MAP2: variants seen among roughly 807,000 people sequenced by gnomAD.
MAP2 encodes the protein microtubule-associated protein 2.
Under a neutral mutation model 137.6 loss-of-function variants are expected in MAP2, and 14 were observed. The ratio of observed to expected loss-of-function variants is 0.10; its 90% CI spans 0.07 to 0.16. The LOEUF (loss-of-function observed/expected upper bound fraction) is 0.16. MAP2 is among the 10% of genes least tolerant of loss of function. The pLI is 1.00. For missense variants in MAP2, 2,088 were observed against 2,191.5 expected (o/e 0.95, Z 0.94); for synonymous variants, 786 against 782.3 (o/e 1.00, Z -0.08).
At chr2:209,547,577 A>G (rs1482807903) in intron 2 of MAP2, among the ~76,000 whole-genome samples, 1 of 152,182 alleles carries the variant, frequency 6.6e-6, no homozygotes, top group Non-Finnish European at 1.5e-5. Flanking sequence ...TCAATATTGA[A>G]GGTTCTGGAG....
chr2:209,582,077 C>T (rs577585482), intron 3 of MAP2, among the ~76,000 whole-genome samples: 4 of 151,966 alleles, frequency 2.6e-5, no homozygotes, highest in Non-Finnish European at 5.9e-5. Context: ...TTTTCACTTA[C>T]ATTTTTAACA....
chr2:209,502,868 G>A (rs1576483220), intron 1 of MAP2, among the ~76,000 whole-genome samples: 1 of 151,974 alleles, frequency 6.6e-6, no homozygotes, highest in South Asian at 2.1e-4. Context: ...AAACTTGTTA[G>A]CCATTGTCAT....
At chr2:209,495,597 T>C (rs148403935) in intron 1 of MAP2, among the ~76,000 whole-genome samples, 3,361 of 152,354 alleles carry the variant, frequency 0.022, 44 homozygotes, top group Non-Finnish European at 0.033. Flanking sequence ...AAGAGGGACC[T>C]GACTGTCAGA....
In MAP2 at chr2:209,695,291, G is replaced by C. The variant is rs769825205; in HGVS notation, c.3121G>C (p.Ala1041Pro). 18 of 1,614,014 alleles carry C rather than the reference G, an allele frequency of 1.1e-5. No individual in the cohort carries two copies. ...AAAGGTGGAACAAGGTCTGGATTTT[G>C]CTGTCCAGGGTCAACTAGATGTTAA... ...SKKVEQGLDF[A>P]VQGQLDVKIS... The change falls in exon 8 of 16, where the codon GCT (alanine) becomes CCT (proline). Residue 1041 changes from alanine (A) to proline (P), a missense_variant. By Grantham distance (27) the Ala-to-Pro change is conservative (BLOSUM62 -1). Around this residue, in one of 6 missense-constraint regions of MAP2, gnomAD observed 500 missense variants for 482.9 expected, o/e 1.04. Coordinates refer to ENST00000682079, the MANE Select transcript of MAP2 (RefSeq NM_001375505.1).
intron 3 of MAP2, among the ~76,000 whole-genome samples, chr2:209,598,934 A>G (rs978326731): frequency 1.5e-4 from 22 of 151,702 alleles, no homozygotes; most frequent in African/African-American, 5.3e-4. Flanking sequence ...TTATAGCAGC[A>G]TGATTTATAG....
At chr2:209,602,876 A>G (rs2083407302) in intron 3 of MAP2, among the ~76,000 whole-genome samples, 1 of 152,172 alleles carries the variant, frequency 6.6e-6, no homozygotes, top group African/African-American at 2.4e-5. Flanking sequence ...TTGTACTGTT[A>G]TCTGGAAATA....
chr2:209,673,654 A>C (rs1360925313), intron 5 of MAP2, among the ~76,000 whole-genome samples: 1 of 151,942 alleles, frequency 6.6e-6, no homozygotes, highest in East Asian at 1.9e-4. Context: ...TTTGTTTAAT[A>C]TTTTCAGCTA....
chr2:209,633,455 C>T (rs1024847470), intron 4 of MAP2, among the ~76,000 whole-genome samples: 3 of 152,010 alleles, frequency 2.0e-5, no homozygotes, highest in African/African-American at 7.2e-5. Context: ...CCATGTTATT[C>T]GATTTTAAAC....
At chr2:209,559,332 T>G (rs1340194749) in intron 2 of MAP2, among the ~76,000 whole-genome samples, 1 of 151,798 alleles carries the variant, frequency 6.6e-6, no homozygotes, top group Non-Finnish European at 1.5e-5. Flanking sequence ...GTGCCCAAAT[T>G]ATTTCAAATT....
chr2:209,601,830 A>AT (rs1247844365), intron 3 of MAP2, among the ~76,000 whole-genome samples: 1 of 152,176 alleles, frequency 6.6e-6, no homozygotes, highest in African/African-American at 2.4e-5. Context: ...TACTACTTAT[A>AT]TTTTTTTAAA....
intron 1 of MAP2, among the ~76,000 whole-genome samples, chr2:209,467,604 C>T (rs1704473078): frequency 6.6e-6 from 1 of 152,114 alleles, no homozygotes; most frequent in Admixed American, 6.6e-5. Flanking sequence ...TTCTGTTCTA[C>T]CAGGTAAAAT....
intron 2 of MAP2, among the ~76,000 whole-genome samples, chr2:209,542,445 C>G (rs1263180595): frequency 6.6e-6 from 1 of 152,224 alleles, no homozygotes; most frequent in Non-Finnish European, 1.5e-5. Context: ...CACCACTGCA[C>G]TAGCCTCTAA....
At chr2:209,634,926 A>C (rs1481113442) in intron 4 of MAP2, among the ~76,000 whole-genome samples, 1 of 152,092 alleles carries the variant, frequency 6.6e-6, no homozygotes, top group African/African-American at 2.4e-5. Context: ...ATGTCATCTC[A>C]CAAAAAATAA....
At chr2:209,614,189 G>T (rs1013871777) in intron 3 of MAP2, among the ~76,000 whole-genome samples, 4 of 151,906 alleles carry the variant, frequency 2.6e-5, no homozygotes, top group African/African-American at 9.7e-5. Flanking sequence ...TCATCTCAGT[G>T]GTGCCTGTTT....
chr2:209,715,026 T>G (rs2066975067), intron 13 of MAP2, among the ~76,000 whole-genome samples: 1 of 152,184 alleles, frequency 6.6e-6, no homozygotes. Flanking sequence ...TTCTAAACTT[T>G]TATTATATTT....
intron 1 of MAP2, among the ~76,000 whole-genome samples, chr2:209,445,530 T>C (rs899183530): frequency 4.6e-5 from 7 of 151,620 alleles, no homozygotes; most frequent in African/African-American, 1.7e-4. Context: ...CAAGAAAAGT[T>C]GGTGCTCTTG....
chr2:209,602,149 T>C (rs539738628), intron 3 of MAP2, among the ~76,000 whole-genome samples: 7 of 152,326 alleles, frequency 4.6e-5, no homozygotes, highest in Non-Finnish European at 7.4e-5. Flanking sequence ...GCCTTAGTTT[T>C]TTAGTTCGAA....
intron 3 of MAP2, among the ~76,000 whole-genome samples, chr2:209,613,198 A>G (rs1030800666): frequency 6.6e-6 from 1 of 152,152 alleles, no homozygotes; most frequent in African/African-American, 2.4e-5. Flanking sequence ...AACATGAGGC[A>G]AAGAGAAAGC....
At chr2:209,431,039 C>G (rs1232092331) in intron 1 of MAP2, among the ~76,000 whole-genome samples, 4 of 152,048 alleles carry the variant, frequency 2.6e-5, no homozygotes, top group Non-Finnish European at 5.9e-5. Context: ...AGCTTTAAAA[C>G]TCAGTCACGA....
Sources: gnomAD v4.1 joint callset for allele counts (sites outside exome capture counted in the v4.1 genomes callset) on GRCh38, gnomAD v4.1.1 for gene constraint, gnomAD v4.1.1 regional missense constraint, MANE v1.5 for transcripts, NCBI Gene and HGNC (gene_info 2026-07-23, HGNC 2026-07-21) for gene names.